The following BSCL2 variants were observed in gnomAD, a reference collection of about 807,000 sequenced individuals.
The protein encoded by BSCL2 is seipin.
A neutral mutation model predicts 57.4 loss-of-function variants in BSCL2; 41 were observed. The ratio of observed to expected loss-of-function variants is 0.71; its 90% CI spans 0.56 to 0.93. The LOEUF (loss-of-function observed/expected upper bound fraction) is 0.93, where lower values mean the gene tolerates loss of function less well. Ranked by LOEUF, BSCL2 falls within the 40% of genes least tolerant of loss-of-function variation. The pLI is 0.00. For synonymous variants in BSCL2, 237 were observed against 227.3 expected (o/e 1.04, Z -0.38); for missense variants, 539 against 586.7 (o/e 0.92, Z 0.84).
chr11:62,707,129 T>C lies in BSCL2; in HGVS notation c.67A>G (p.Lys23Glu). ...GEKEVCGDQI[K>E]GPDKEEEPPA... ...CCTACCTCCTCTTTGTCCGGTCCTT[T>C]GATCTGGTCTCCGCACACCTCTTTT... The change falls in exon 1 of 11, where the codon AAA becomes GAA. Residue 23 changes from lysine to glutamate, a missense_variant. This residue lies in a region of BSCL2 where 218 missense variants were observed against 224.8 expected (regional missense o/e 0.97). Coordinates refer to ENST00000360796, the MANE Select transcript of BSCL2 (RefSeq NM_001122955.4). The C allele has an allele frequency of 6.4e-7, 1 of 1,554,516 alleles. No individual in the cohort carries two copies. The highest frequency in any genetic ancestry group is 8.7e-7 in the Non-Finnish European group (1 of 1,147,814).
rs576081892 is a variant in BSCL2, at chr11:62,690,319, G to T, written c.*48C>A. On this transcript the variant is annotated 3_prime_UTR_variant, in exon 11 of 11. Coordinates refer to ENST00000360796, the MANE Select transcript of BSCL2 (RefSeq NM_001122955.4). ...TTATTGAAGGAAAAACGAGGGGAGAGGAGTCAGGTGGGAAAGTGCTGGAAT... is the reference window on the plus strand; with the variant it reads ...TTATTGAAGGAAAAACGAGGGGAGATGAGTCAGGTGGGAAAGTGCTGGAAT... The T allele has an allele frequency of 1.4e-5, 22 of 1,612,526 alleles. No homozygotes were observed. In the East Asian group the frequency reaches 3.8e-4, roughly 28 times the overall value.
chr11:62,694,195 CTTTTTTTTTTT>C (rs71056545), intron 4 of BSCL2, among the ~76,000 whole-genome samples: 4 of 47,174 alleles, frequency 8.5e-5, no homozygotes, highest in African/African-American at 3.2e-4. Context: ...CCCAGACATT[CTTTTTTTTTTT>C]TTTTTTTTTT....
At chr11:62,703,166 G>T (rs564579788) in intron 2 of BSCL2, among the ~76,000 whole-genome samples, 2 of 143,830 alleles carry the variant, frequency 1.4e-5, no homozygotes, top group East Asian at 4.1e-4. Context: ...AAAAAAAAAG[G>T]AAATTCCAGG....
intron 1 of BSCL2, chr11:62,706,163 C>T: frequency 9.8e-7 from 1 of 1,020,022 alleles, no homozygotes; most frequent in Non-Finnish European, 1.2e-6. Flanking sequence ...CCGCCAGTCC[C>T]CTCCAGCTCG....
In BSCL2 at chr11:62,690,593, G is replaced by T. The variant is rs748453195; in HGVS notation, c.1234+19C>A. 6 of 1,613,948 alleles carry T rather than the reference G, an allele frequency of 3.7e-6. No homozygotes were observed. Among genetic ancestry groups the T allele is most frequent in the Admixed American group, 1.7e-5 (1 of 60,030 alleles). ...TAACCGGGGGCCCCACCCAGGTCAC[G>T]CTGCAGGATGCCCCTCACCATCACT... On this transcript the variant is annotated intron_variant, in intron 10 of 10. Coordinates refer to ENST00000360796, the MANE Select transcript of BSCL2 (RefSeq NM_001122955.4).
At chr11:62,709,225 T>C (rs553975528), upstream of BSCL2, 13 of 455,484 alleles carry the variant, frequency 2.9e-5, no homozygotes, top group East Asian at 8.3e-4. Flanking sequence ...GTTAGAATTC[T>C]TGGGGGGAGA....
At chr11:62,703,896 A>G (rs1198924944) in intron 2 of BSCL2, among the ~76,000 whole-genome samples, 1 of 141,370 alleles carries the variant, frequency 7.1e-6, no homozygotes, top group African/African-American at 2.6e-5. Flanking sequence ...AAGGGGGTGG[A>G]TCACGAGGTC....
At chr11:62,706,251 C>T in intron 1 of BSCL2, 1 of 1,097,172 alleles carries the variant, frequency 9.1e-7, no homozygotes. Context: ...ACAGGGCTGC[C>T]GACTCACCAG....
chr11:62,695,658 C>A (rs1201915657), intron 3 of BSCL2, among the ~76,000 whole-genome samples: 1 of 144,830 alleles, frequency 6.9e-6, no homozygotes, highest in Non-Finnish European at 1.5e-5. Flanking sequence ...TTGCAGTGAG[C>A]CGAGAGCGCG....
Position 62,691,549 on chromosome 11 carries a change from C to G in BSCL2, c.864-128G>C. On this transcript the variant is annotated intron_variant, in intron 6 of 10. Transcript: ENST00000360796. The stretch of plus-strand genomic sequence containing the variant: ...TTACAGCTGGCTCTGTCACCCCTGC[C>G]TCCCACCCACACAGTTTCCAGAACC... 4 of 1,106,788 alleles carry G rather than the reference C, an allele frequency of 3.6e-6. No individual in the cohort carries two copies. The South Asian group carries it at 5.3e-5, about 15-fold the overall frequency. 68.6% of individuals were successfully genotyped at this position (1,106,788 alleles called of 1,614,324 possible). A position where few individuals can be genotyped will look rare whatever the true frequency, so the allele number is the denominator to read the frequency against.
chr11:62,705,673 A>G, intron 1 of BSCL2, 56 bp from the exon 2 acceptor site: 1 of 1,434,534 alleles, frequency 7.0e-7, no homozygotes, highest in Non-Finnish European at 9.2e-7. Context: ...AGGTGGGGAC[A>G]AAACAGCTTA....
upstream of BSCL2, chr11:62,708,260 G>A: frequency 7.3e-7 from 1 of 1,373,778 alleles, no homozygotes. Context: ...GCCTCCAGCT[G>A]AGACTGTGCT....
At chr11:62,707,514 GC>G (rs1451484790), upstream of BSCL2, 1 of 627,364 alleles carries the variant, frequency 1.6e-6, no homozygotes, top group Non-Finnish European at 2.9e-6. Flanking sequence ...GTCGGCCTTG[GC>G]CTCAGCTCTG....
At chr11:62,702,252 G>C (rs1393738063) in intron 3 of BSCL2, among the ~76,000 whole-genome samples, 1 of 152,112 alleles carries the variant, frequency 6.6e-6, no homozygotes, top group African/African-American at 2.4e-5. Flanking sequence ...TTTTAGTAGA[G>C]ACGGGGTTTC....
intron 2 of BSCL2, among the ~76,000 whole-genome samples, chr11:62,704,442 A>G (rs934857663): frequency 2.0e-5 from 3 of 149,954 alleles, no homozygotes; most frequent in African/African-American, 7.4e-5. Context: ...GCTACTCAGG[A>G]GGCTGAGGCA....
chr11:62,708,477 G>A (rs749487122), upstream of BSCL2: 17 of 1,249,512 alleles, frequency 1.4e-5, no homozygotes, highest in Admixed American at 3.4e-5. Context: ...TAAGAGATGC[G>A]TTCTTTCCTT....
chr11:62,705,994 G>A (rs948365791), intron 1 of BSCL2: 6 of 219,812 alleles, frequency 2.7e-5, no homozygotes, highest in Non-Finnish European at 5.4e-5. Flanking sequence ...GAGAGAATGT[G>A]CGACTTGCCT....
chr11:62,704,142 AAAGAAG>A (rs545898111), intron 2 of BSCL2, among the ~76,000 whole-genome samples: 2 of 147,038 alleles, frequency 1.4e-5, no homozygotes, highest in Non-Finnish European at 3.0e-5. Context: ...AAAAAAAAAA[AAAGAAG>A]AAGAAGAAGA....
chr11:62,705,826 TCTC>T (rs2083521208), intron 1 of BSCL2: 3 of 579,454 alleles, frequency 5.2e-6, no homozygotes, highest in Admixed American at 3.2e-5. Context: ...CAGTGCTAAA[TCTC>T]CTCAGTGGAA....
Sources: allele counts gnomAD v4.1 joint callset (sites outside exome capture counted in the v4.1 genomes callset), GRCh38; gene constraint gnomAD v4.1.1; regional missense constraint gnomAD v4.1.1; transcripts MANE v1.5; gene names NCBI Gene and HGNC (gene_info 2026-07-23, HGNC 2026-07-21).